Variants in SH2D1A observed in about 807,000 individuals in gnomAD.
SH2D1A encodes SH2 domain-containing protein 1A.
In SH2D1A, 6 loss-of-function variants were observed where a neutral mutation model predicts 10.1. The observed-to-expected ratio is 0.60, with a 90% CI of 0.33 to 1.18. The LOEUF is 1.18. Among genes scored for constraint, SH2D1A ranks in the 50% most tolerant of loss-of-function variants. SH2D1A has a pLI of 0.04. For missense variants in SH2D1A, 51 were observed against 97.6 expected (o/e 0.52, Z 2.01); for synonymous variants, 42 against 36.9 (o/e 1.14, Z -0.51).
chrX:124,357,368 T>C (rs1425491053), intron 1 of SH2D1A, among the ~76,000 whole-genome samples: 1 of 112,376 alleles, frequency 8.9e-6, no homozygotes. Context: ...ATACAACATA[T>C]TTTCTTTATC....
Position 124,372,880 on chromosome X carries a change from C to T in SH2D1A, c.*1489C>T, listed in dbSNP as rs1019554533. On this transcript the variant is annotated 3_prime_UTR_variant, in exon 4 of 4. Coordinates refer to ENST00000371139, the MANE Select transcript of SH2D1A (RefSeq NM_002351.5). ...ATGCATTATGGGTGGTTTACCATTT[C>T]TTGAGGTAAAAGCATCACATGAACT... 7.6e-5 allele frequency: 12 copies of T among 157,306 alleles called. No homozygotes were observed. Among genetic ancestry groups the T allele is most frequent in the African/African-American group, 3.3e-4 (11 of 32,852 alleles). The allele number at this position is 157,306 out of a possible 1,213,427, so 13.0% of individuals were successfully genotyped here.
chrX:124,364,590 C>T (rs190081331), intron 1 of SH2D1A, among the ~76,000 whole-genome samples: 5 of 109,488 alleles, frequency 4.6e-5, no homozygotes, highest in East Asian at 2.9e-4. Flanking sequence ...CTGCAACCTC[C>T]GCCTCCTGAG....
chrX:124,354,328 C>A (rs1055050962), intron 1 of SH2D1A, among the ~76,000 whole-genome samples: 3 of 111,265 alleles, frequency 2.7e-5, no homozygotes, highest in Non-Finnish European at 5.7e-5. Flanking sequence ...GGGCTCTCCC[C>A]ACCTGGCCTC....
intron 1 of SH2D1A, among the ~76,000 whole-genome samples, chrX:124,363,332 CT>C (rs778867499): frequency 7.2e-5 from 8 of 111,549 alleles, no homozygotes; most frequent in African/African-American, 2.6e-4. Flanking sequence ...ACAAGCAGCA[CT>C]TGTTTTTAAT....
intron 2 of SH2D1A, among the ~76,000 whole-genome samples, chrX:124,369,081 TGA>T (rs779810351): frequency 2.7e-5 from 3 of 111,292 alleles, no homozygotes; most frequent in East Asian, 2.8e-4. Context: ...AGGAAATGAC[TGA>T]GAGTTACTAT....
intron 1 of SH2D1A, among the ~76,000 whole-genome samples, chrX:124,352,666 C>G (rs1041793525): frequency 1.8e-5 from 2 of 111,760 alleles, no homozygotes; most frequent in Non-Finnish European, 3.8e-5. Context: ...TTTTCTTTAT[C>G]CATTCATCTG....
intron 2 of SH2D1A, among the ~76,000 whole-genome samples, chrX:124,367,897 T>C (rs1444253679): frequency 8.9e-6 from 1 of 112,059 alleles, no homozygotes; most frequent in Non-Finnish European, 1.9e-5. Flanking sequence ...TTATTAAAAA[T>C]GTACTGACAT....
intron 1 of SH2D1A, among the ~76,000 whole-genome samples, chrX:124,355,686 G>T (rs1255206060): frequency 9.0e-6 from 1 of 111,306 alleles, no homozygotes; most frequent in East Asian, 2.8e-4. Context: ...GGTTTGTAAG[G>T]CTCCAAATTG....
chrX:124,360,892 T>C (rs1216064751), intron 1 of SH2D1A, among the ~76,000 whole-genome samples: 1 of 111,273 alleles, frequency 9.0e-6, no homozygotes, highest in Non-Finnish European at 1.9e-5. Context: ...GATCAGGAAC[T>C]GGGGATCTAG....
chrX:124,353,383 ATC>A, intron 1 of SH2D1A, among the ~76,000 whole-genome samples: 1 of 111,667 alleles, frequency 9.0e-6, no homozygotes, highest in Middle Eastern at 4.7e-3. Flanking sequence ...CATAAATGGG[ATC>A]TGTTTCCACT....
Position 124,371,961 on chromosome X carries a change from T to C in SH2D1A, c.*570T>C, listed in dbSNP as rs2060070502. On this transcript the variant is annotated 3_prime_UTR_variant, in exon 4 of 4. Coordinates refer to ENST00000371139, the MANE Select transcript of SH2D1A (RefSeq NM_002351.5). ...GCAACCTTCTTGCCTAGTGTTCTGATATTGGACAGTAAAATCCACAGACCA... is the reference window on the plus strand; with the variant it reads ...GCAACCTTCTTGCCTAGTGTTCTGACATTGGACAGTAAAATCCACAGACCA... 6.3e-6 allele frequency: 1 copy of C among 159,424 alleles called. No homozygotes were observed. Among genetic ancestry groups the C allele is most frequent in the Non-Finnish European group, 1.2e-5 (1 of 81,309 alleles). 13.1% of individuals were successfully genotyped at this position (159,424 alleles called of 1,213,427 possible).
At chrX:124,360,445 T>TAAAAAAAAAA (rs752399450) in intron 1 of SH2D1A, among the ~76,000 whole-genome samples, 1 of 31,982 alleles carries the variant, frequency 3.1e-5, no homozygotes, top group Non-Finnish European at 5.2e-5. Flanking sequence ...CTGCAAAAAC[T>TAAAAAAAAAA]AAAAAAAAAA....
At chrX:124,367,518 C>G (rs1334439498) in intron 2 of SH2D1A, 1 of 111,804 alleles carries the variant, frequency 8.9e-6, no homozygotes, top group Non-Finnish European at 1.9e-5. Flanking sequence ...TGGTACAATT[C>G]TTGTGATAAA....
Position 124,371,470 on chromosome X carries a change from T to G in SH2D1A, c.*79T>G, listed in dbSNP as rs2060069060. On this transcript the variant is annotated 3_prime_UTR_variant, in exon 4 of 4. Coordinates refer to ENST00000371139, the MANE Select transcript of SH2D1A (RefSeq NM_002351.5). ...TCTTATATATTGTAGATAATACAGT[T>G]CGGTGAGCTACAAATGCATTTCTAA... is the stretch of plus-strand genomic sequence containing the variant. 11 of 641,185 alleles carry G rather than the reference T, an allele frequency of 1.7e-5. No homozygotes were observed. In the South Asian group the frequency reaches 3.6e-4, roughly 21 times the overall value. The allele number at this position is 641,185 out of a possible 1,213,427, so 52.8% of individuals were successfully genotyped here. A position where few individuals can be genotyped will look rare whatever the true frequency, so the allele number is the denominator to read the frequency against.
chrX:124,357,125 C>T (rs998501827), intron 1 of SH2D1A, among the ~76,000 whole-genome samples: 10 of 111,503 alleles, frequency 9.0e-5, no homozygotes, highest in Non-Finnish European at 1.9e-4. Context: ...ACCCAAATTT[C>T]CCAATCCCCA....
chrX:124,349,150 G>A (rs1474920045), intron 1 of SH2D1A, among the ~76,000 whole-genome samples: 1 of 112,117 alleles, frequency 8.9e-6, no homozygotes, highest in Non-Finnish European at 1.9e-5. Context: ...AAACCTCCTT[G>A]TGAAGTAGCG....
chrX:124,350,540 ATATATACTATATTATATATAGTATAT>A (rs1316904073), intron 1 of SH2D1A, among the ~76,000 whole-genome samples: 4 of 48,411 alleles, frequency 8.3e-5, no homozygotes, highest in African/African-American at 1.9e-4. Context: ...ATAATATATA[ATATATACTATATTATATATAGTATAT>A]TATATACTAT....
chrX:124,372,779 T>C lies in SH2D1A; in HGVS notation c.*1388T>C, dbSNP rs1028169185. On this transcript the variant is annotated 3_prime_UTR_variant, in exon 4 of 4. Coordinates refer to ENST00000371139, the MANE Select transcript of SH2D1A (RefSeq NM_002351.5). ...TGCTGAGAGACAGAGCTATTCTCCA[T>C]GTACTGGCAAGACCTGATTTCTGAG... is the stretch of plus-strand genomic sequence containing the variant. 1.7e-4 allele frequency: 28 copies of C among 165,309 alleles called. No individual in the cohort carries two copies. The highest frequency in any genetic ancestry group is 7.8e-4 in the African/African-American group (26 of 33,309). 13.6% of individuals were successfully genotyped at this position (165,309 alleles called of 1,213,427 possible).
chrX:124,351,324 A>T (rs957726120), intron 1 of SH2D1A, among the ~76,000 whole-genome samples: 3 of 108,454 alleles, frequency 2.8e-5, no homozygotes, highest in Admixed American at 1.0e-4. Flanking sequence ...TAGACATTTG[A>T]CTCATTCCAT....
Sources: gnomAD v4.1 joint callset for allele counts (sites outside exome capture counted in the v4.1 genomes callset) on GRCh38, gnomAD v4.1.1 for gene constraint, MANE v1.5 for transcripts, NCBI Gene and HGNC (gene_info 2026-07-23, HGNC 2026-07-21) for gene names.